BICRAL: variants seen among roughly 807,000 people sequenced by gnomAD.
BICRAL encodes the protein BRD4-interacting chromatin-remodeling complex-associated protein-like.
Under a neutral mutation model 91.8 loss-of-function variants are expected in BICRAL, and 8 were observed. That is an observed-to-expected ratio of 0.09 (90% confidence interval 0.05 to 0.16). The LOEUF is 0.16. Among genes scored for constraint, BICRAL ranks in the 10% least tolerant of loss-of-function variants. The probability of loss-of-function intolerance (pLI) is 1.00; values close to 1 mark genes in which losing one functional copy is unlikely to be tolerated. For missense variants in BICRAL, 1,038 were observed against 1,310.9 expected (o/e 0.79, Z 3.21); for synonymous variants, 445 against 491.1 (o/e 0.91, Z 1.24).
At chr6:42,851,266 A>G (rs1476141643) in intron 6 of BICRAL, among the ~76,000 whole-genome samples, 2 of 152,214 alleles carry the variant, frequency 1.3e-5, no homozygotes, top group Non-Finnish European at 2.9e-5. Context: ...GCATGCATAC[A>G]ATCCCAGCTA....
intron 1 of BICRAL, among the ~76,000 whole-genome samples, chr6:42,763,656 A>G (rs897922109): frequency 6.6e-6 from 1 of 151,684 alleles, no homozygotes. Flanking sequence ...CCCCATCTCT[A>G]CTAAAAATGT....
intron 6 of BICRAL, among the ~76,000 whole-genome samples, chr6:42,835,368 A>T (rs1268174822): frequency 6.6e-6 from 1 of 152,028 alleles, no homozygotes; most frequent in East Asian, 1.9e-4. Flanking sequence ...ACCTCTGGTG[A>T]TCCACCCACC....
chr6:42,862,619 AACATCGC>A lies in BICRAL; in HGVS notation c.2452+9_2452+15del. The stretch of plus-strand genomic sequence containing the variant: ...TTGGCACTTGTAGACCCTGGTAAGA[AACATCGC>A]AGTGAAAGTAGTGGATAGCTCCTGC... On this transcript the variant is annotated splice_region_variant and intron_variant, in intron 12 of 12. Coordinates refer to ENST00000314073, the MANE Select transcript of BICRAL (RefSeq NM_001393499.1). 1 of 1,528,678 alleles carries A rather than the reference AACATCGC, an allele frequency of 6.5e-7. No individual in the cohort carries two copies. The highest frequency in any genetic ancestry group is 9.1e-7 in the Non-Finnish European group (1 of 1,102,226). 94.7% of individuals were successfully genotyped at this position (1,528,678 alleles called of 1,614,324 possible). A position where few individuals can be genotyped will look rare whatever the true frequency, so the allele number is the denominator to read the frequency against.
chr6:42,766,867 C>T (rs1025794879), intron 1 of BICRAL, among the ~76,000 whole-genome samples: 11 of 152,136 alleles, frequency 7.2e-5, no homozygotes, highest in East Asian at 5.8e-4. Flanking sequence ...AGTGAAACCT[C>T]GTCTCTACTA....
chr6:42,777,460 A>G (rs979396295), upstream of BICRAL, among the ~76,000 whole-genome samples: 1 of 152,230 alleles, frequency 6.6e-6, no homozygotes, highest in Admixed American at 6.5e-5. Flanking sequence ...GTACATCTAT[A>G]TGTACAAATA....
intron 6 of BICRAL, among the ~76,000 whole-genome samples, chr6:42,850,660 C>T (rs1026773954): frequency 4.0e-5 from 6 of 151,214 alleles, no homozygotes; most frequent in African/African-American, 4.9e-5. Flanking sequence ...CTGAGGCGGG[C>T]GGATAACAAG....
chr6:42,768,359 C>A (rs541932128), intron 1 of BICRAL, among the ~76,000 whole-genome samples: 81 of 152,220 alleles, frequency 5.3e-4, no homozygotes, highest in Middle Eastern at 3.4e-3. Context: ...CTGAGAGGAC[C>A]TTTTACCCCA....
At chr6:42,755,146 G>A (rs1762440645) in intron 1 of BICRAL, among the ~76,000 whole-genome samples, 1 of 147,722 alleles carries the variant, frequency 6.8e-6, no homozygotes, top group Non-Finnish European at 1.5e-5. Context: ...GAAAACCCTG[G>A]GGGAATAGGG....
chr6:42,790,307 C>G (rs1240604065), intron 1 of BICRAL, among the ~76,000 whole-genome samples: 5 of 150,530 alleles, frequency 3.3e-5, no homozygotes, highest in Non-Finnish European at 7.4e-5. Context: ...TATAGAAATG[C>G]AACACCATGC....
chr6:42,766,971 C>T (rs1450312980), intron 1 of BICRAL, among the ~76,000 whole-genome samples: 1 of 150,774 alleles, frequency 6.6e-6, no homozygotes, highest in Non-Finnish European at 1.5e-5. Context: ...ACCCGGAAGG[C>T]GGAGCTTGCA....
At chr6:42,792,434 A>AT (rs534995773) in intron 1 of BICRAL, among the ~76,000 whole-genome samples, 54,831 of 144,032 alleles carry the variant, frequency 0.38, 10,747 homozygotes, top group African/African-American at 0.48. Context: ...TGCCCAGCTA[A>AT]TTTTTTTTTT....
intron 12 of BICRAL, among the ~76,000 whole-genome samples, chr6:42,863,261 G>T (rs2114048956): frequency 6.6e-6 from 1 of 152,110 alleles, no homozygotes; most frequent in South Asian, 2.1e-4. Flanking sequence ...TGTTAGCCAG[G>T]ATGGTCTCCA....
At chr6:42,849,726 A>T (rs935688346) in intron 6 of BICRAL, among the ~76,000 whole-genome samples, 19 of 150,790 alleles carry the variant, frequency 1.3e-4, no homozygotes, top group Non-Finnish European at 2.5e-4. Flanking sequence ...GGCATGAGCC[A>T]CTGCGCCCGG....
intron 6 of BICRAL, among the ~76,000 whole-genome samples, chr6:42,838,834 G>T (rs1371978638): frequency 6.6e-6 from 1 of 152,134 alleles, no homozygotes; most frequent in African/African-American, 2.4e-5. Flanking sequence ...GGTGGTGCAT[G>T]CCTGTAATCC....
At chr6:42,855,809 T>C (rs1367519887) in intron 8 of BICRAL, 47 bp from the exon 9 acceptor site, 1 of 1,460,682 alleles carries the variant, frequency 6.8e-7, no homozygotes, top group Non-Finnish European at 9.6e-7. Context: ...ATAACTGTAT[T>C]CTTTTTTCTA....
intron 1 of BICRAL, among the ~76,000 whole-genome samples, chr6:42,756,885 G>GCTCTCT (rs1317096649): frequency 7.1e-6 from 1 of 141,666 alleles, no homozygotes; most frequent in Non-Finnish European, 1.5e-5. Flanking sequence ...TCGCGCGCGC[G>GCTCTCT]CTCTCTCTCT....
upstream of BICRAL, among the ~76,000 whole-genome samples, chr6:42,777,707 G>GTT (rs1762825239): frequency 6.6e-6 from 1 of 152,134 alleles, no homozygotes; most frequent in South Asian, 2.1e-4. Context: ...ACTTTTCATT[G>GTT]TTATGTGGAC....
Position 42,855,570 on chromosome 6 carries a change from G to A in BICRAL, c.2047-286G>A, listed in dbSNP as rs1480518735. ...ACATGATGATGATGATGATGATGAT[G>A]ATGGTGCATTTAGAGAGGAGGTAGG... On this transcript the variant is annotated intron_variant, in intron 8 of 12. Coordinates refer to ENST00000314073, the MANE Select transcript of BICRAL (RefSeq NM_001393499.1). Among the ~76,000 whole-genome samples the A allele has an allele frequency of 2.0e-5, 3 of 151,708 alleles. No individual in the cohort carries two copies. The East Asian group carries it at 5.8e-4, about 29-fold the overall frequency.
At chr6:42,795,376 T>G (rs1021955560) in intron 1 of BICRAL, among the ~76,000 whole-genome samples, 2 of 151,692 alleles carry the variant, frequency 1.3e-5, no homozygotes, top group Non-Finnish European at 2.9e-5. Context: ...GGTTGCAGTG[T>G]GCCGAGATCG....
Sources: gnomAD v4.1 joint callset for allele counts (sites outside exome capture counted in the v4.1 genomes callset) on GRCh38, gnomAD v4.1.1 for gene constraint, MANE v1.5 for transcripts, NCBI Gene and HGNC (gene_info 2026-07-23, HGNC 2026-07-21) for gene names.